The following PPP1R13B variants were observed in gnomAD, a reference collection of about 807,000 sequenced individuals.
The protein encoded by PPP1R13B is apoptosis-stimulating of p53 protein 1.
In PPP1R13B, 44 loss-of-function variants were observed where a neutral mutation model predicts 119.8. That is an observed-to-expected ratio of 0.37 (90% CI 0.29 to 0.47). The LOEUF is 0.47. Ranked by LOEUF, PPP1R13B falls within the 20% of genes least tolerant of loss-of-function variation. The probability of loss-of-function intolerance (pLI) is 0.99; values close to 1 mark genes in which losing one functional copy is unlikely to be tolerated. For synonymous variants in PPP1R13B, 542 were observed against 561.5 expected (o/e 0.97, Z 0.49); for missense variants, 1,227 against 1,413.5 (o/e 0.87, Z 2.12).
At chr14:103,803,846 T>C (rs144616209) in intron 1 of PPP1R13B, among the ~76,000 whole-genome samples, 1,983 of 152,256 alleles carry the variant, frequency 0.013, 45 homozygotes, top group African/African-American at 0.045. Flanking sequence ...TTCTGCTCAC[T>C]GACAGTACTC....
At chr14:103,797,146 C>T in intron 2 of PPP1R13B, 1 of 385,864 alleles carries the variant, frequency 2.6e-6, no homozygotes, top group Non-Finnish European at 4.5e-6. Flanking sequence ...AAACTCAGTC[C>T]TGTGCAATAT....
intron 16 of PPP1R13B, among the ~76,000 whole-genome samples, chr14:103,735,433 G>A (rs2084079391): frequency 6.6e-6 from 1 of 152,198 alleles, no homozygotes; most frequent in South Asian, 2.1e-4. Context: ...CTAAAGACTT[G>A]TGACTGCCTG....
intron 1 of PPP1R13B, among the ~76,000 whole-genome samples, chr14:103,836,477 T>G (rs1360172573): frequency 1.3e-5 from 2 of 151,932 alleles, no homozygotes; most frequent in East Asian, 3.9e-4. Flanking sequence ...GTTAAACAAT[T>G]TGTCCAAAGT....
intron 1 of PPP1R13B, among the ~76,000 whole-genome samples, chr14:103,837,206 G>A (rs2086798759): frequency 6.6e-6 from 1 of 152,230 alleles, no homozygotes; most frequent in Non-Finnish European, 1.5e-5. Context: ...GAAACACAGG[G>A]AGGACGTGTG....
In PPP1R13B at chr14:103,746,518, G is replaced by A. The variant is rs1258511709; in HGVS notation, c.1005C>T (p.Ser335=). 1.2e-6 allele frequency: 2 copies of A among 1,608,180 alleles called. No homozygotes were observed. Among genetic ancestry groups the A allele is most frequent in the East Asian group, 2.2e-5 (1 of 44,712 alleles). Reference sequence around the variant, plus strand: ...CGACCCTGCCCGATGTGCTCAGAGGGGACTGTGGTGATGACGTGCCATTCA... The same window carrying A: ...CGACCCTGCCCGATGTGCTCAGAGGAGACTGTGGTGATGACGTGCCATTCA... The part of the protein sequence containing the change: ...NRVNGTSSPQ[S]PLSTSGRVAA... The change falls in exon 9 of 17, where the codon TCC becomes TCT. Residue 335 remains serine (S), a synonymous_variant. Transcript: ENST00000202556.
chr14:103,737,230 G>C (rs1370674090), intron 15 of PPP1R13B: 1 of 153,862 alleles, frequency 6.5e-6, no homozygotes, highest in East Asian at 1.9e-4. Flanking sequence ...TCACTCGAGT[G>C]AGACATCCTG....
chr14:103,782,346 C>T (rs1031933990), intron 3 of PPP1R13B, among the ~76,000 whole-genome samples: 1 of 152,188 alleles, frequency 6.6e-6, no homozygotes, highest in Admixed American at 6.5e-5. Flanking sequence ...GGCTGCAGAG[C>T]ATTCTGCTGT....
intron 1 of PPP1R13B, among the ~76,000 whole-genome samples, chr14:103,826,407 G>A (rs1415836212): frequency 6.6e-6 from 1 of 152,106 alleles, no homozygotes; most frequent in African/African-American, 2.4e-5. Context: ...GCTTCACCAG[G>A]AGCTTCCCTA....
chr14:103,833,508 T>C (rs948209093), intron 1 of PPP1R13B, among the ~76,000 whole-genome samples: 1 of 152,086 alleles, frequency 6.6e-6, no homozygotes, highest in African/African-American at 2.4e-5. Context: ...CTGGGTGTTG[T>C]TGTGCACACC....
rs144299885 is a variant in PPP1R13B at position 103,834,045 on chromosome 14, C to T, written c.9+13254G>A. 1.2e-4 allele frequency among the ~76,000 whole-genome samples: 18 copies of T among 152,284 alleles called. No homozygotes were observed. In the East Asian group the frequency reaches 3.5e-3, roughly 29 times the overall value. On this transcript the variant is annotated intron_variant, in intron 1 of 16. Coordinates refer to ENST00000202556, the MANE Select transcript of PPP1R13B (RefSeq NM_015316.3). ...AAAACAAAACTCTGCTTTCATGGTG[C>T]TTCCACAAATAAACACCAGGCTGAT...
intron 12 of PPP1R13B, 68 bp downstream of exon 12, chr14:103,739,756 G>A: frequency 6.7e-7 from 1 of 1,481,672 alleles, no homozygotes; most frequent in Non-Finnish European, 9.0e-7. Flanking sequence ...ACCAAGGGAA[G>A]GACCCCAGAG....
intron 4 of PPP1R13B, among the ~76,000 whole-genome samples, chr14:103,775,192 T>TAC (rs1414628146): frequency 6.6e-6 from 1 of 152,146 alleles, no homozygotes; most frequent in Non-Finnish European, 1.5e-5. Context: ...ACACACGGCC[T>TAC]ACTCAATGTA....
intron 1 of PPP1R13B, among the ~76,000 whole-genome samples, chr14:103,813,299 G>A (rs1567143586): frequency 6.6e-6 from 1 of 151,250 alleles, no homozygotes; most frequent in Non-Finnish European, 1.5e-5. Flanking sequence ...CGTACTTTCT[G>A]CTCCATCTTT....
At chr14:103,793,347 G>A (rs1368405250) in intron 2 of PPP1R13B, among the ~76,000 whole-genome samples, 1 of 152,174 alleles carries the variant, frequency 6.6e-6, no homozygotes, top group Non-Finnish European at 1.5e-5. Context: ...GAATCATGGA[G>A]GTGGTTTCTC....
intron 16 of PPP1R13B, 117 bp from the exon 17 acceptor site, chr14:103,735,312 C>T: frequency 2.1e-6 from 2 of 940,038 alleles, no homozygotes; most frequent in Non-Finnish European, 3.5e-6. Context: ...GCACCCTTGT[C>T]CCTCAGGCCT....
rs185415389 is a variant in PPP1R13B, at chr14:103,836,191, G to A, written c.9+11108C>T. On this transcript the variant is annotated intron_variant, in intron 1 of 16. Coordinates refer to ENST00000202556, the MANE Select transcript of PPP1R13B (RefSeq NM_015316.3). ...CTCCCAAATAGCTGAGATTACAGGC[G>A]CCCGCCACCACACCTGGCTGATTTT... Among the ~76,000 whole-genome samples the A allele has an allele frequency of 1.2e-3, 178 of 151,684 alleles. 1 individual carries two copies. Among genetic ancestry groups the A allele is most frequent in the African/African-American group, 4.1e-3 (171 of 41,392 alleles).
intron 8 of PPP1R13B, chr14:103,746,781 A>G: frequency 2.7e-6 from 1 of 375,120 alleles, no homozygotes; most frequent in Non-Finnish European, 4.8e-6. Context: ...AGCTGTACAC[A>G]TGAGGAGCTG....
rs1413576063 is a variant in PPP1R13B, at chr14:103,740,821, G to A, written c.1823-228C>T. Among the ~76,000 whole-genome samples, 1 of 152,144 alleles carries A rather than the reference G, an allele frequency of 6.6e-6. No homozygotes were observed. On this transcript the variant is annotated intron_variant, in intron 11 of 16. Coordinates refer to ENST00000202556, the MANE Select transcript of PPP1R13B (RefSeq NM_015316.3). The surrounding 1 kb of genome is among the most constrained non-coding windows in gnomAD (Gnocchi z 4.6). ...CTAATGTGTCGGTTTTTACATTTGG[G>A]TTTCCAGAACTGGAGCTTTTTCAAA...
chr14:103,760,550 C>A (rs965500588), intron 4 of PPP1R13B, among the ~76,000 whole-genome samples: 2 of 152,150 alleles, frequency 1.3e-5, no homozygotes, highest in Non-Finnish European at 2.9e-5. Flanking sequence ...CCTACAAATA[C>A]GGGACCCCCA....
Sources: allele counts gnomAD v4.1 joint callset (sites outside exome capture counted in the v4.1 genomes callset), GRCh38; gene constraint gnomAD v4.1.1; non-coding constraint Gnocchi (gnomAD v3.1); transcripts MANE v1.5; gene names NCBI Gene and HGNC (gene_info 2026-07-23, HGNC 2026-07-21).